MAN1A1: variants seen among roughly 807,000 people sequenced by gnomAD.
The protein encoded by MAN1A1 is mannosyl-oligosaccharide 1,2-alpha-mannosidase IA.
Under a neutral mutation model 70.8 loss-of-function variants are expected in MAN1A1, and 29 were observed. The ratio of observed to expected loss-of-function variants is 0.41; its 90% CI spans 0.31 to 0.56. MAN1A1 has a LOEUF of 0.56. Among genes scored for constraint, MAN1A1 ranks in the 20% least tolerant of loss-of-function variants. MAN1A1 has a pLI of 0.29. For synonymous variants in MAN1A1, 349 were observed against 330.1 expected, an observed-to-expected ratio of 1.06 and a Z score of -0.62; for missense variants, 747 against 841.3, an observed-to-expected ratio of 0.89 and a Z score of 1.39.
chr6:119,259,937 C>T (rs147741255), intron 5 of MAN1A1, among the ~76,000 whole-genome samples: 129 of 152,156 alleles, frequency 8.5e-4, no homozygotes, highest in African/African-American at 3.0e-3. Context: ...ATCTTGTCTA[C>T]CCAGAAATAA....
In MAN1A1 at chr6:119,316,175, G is replaced by GTTTTT. The variant is rs5879501; in HGVS notation, c.604-9188_604-9184dup. On this transcript the variant is annotated intron_variant, in intron 2 of 12. Transcript: ENST00000368468. ...GAGAAAAAGATATTCATTTTTGTGG[G>GTTTTT]TTTTTTTTTTTTTTTTTTTGAGATG... Among the ~76,000 whole-genome samples the GTTTTT allele has an allele frequency of 1.0e-4, 12 of 116,196 alleles. No homozygotes were observed. The East Asian group carries it at 1.7e-3, about 17-fold the overall frequency. 76.2% of individuals were successfully genotyped at this position (116,196 alleles called of 152,430 possible).
intron 2 of MAN1A1, among the ~76,000 whole-genome samples, chr6:119,329,457 C>T (rs195066): frequency 1.0e-5 from 1 of 98,964 alleles, no homozygotes; most frequent in African/African-American, 4.6e-5. Context: ...AATAAATATC[C>T]CCCCCCCACC....
intron 9 of MAN1A1, 23 bp from the exon 10 acceptor site, chr6:119,189,906 A>G: frequency 6.4e-6 from 10 of 1,560,622 alleles, no homozygotes; most frequent in Non-Finnish European, 8.8e-6. Context: ...CTTATTTTTT[A>G]ACATTTTGTA....
chr6:119,321,397 G>A (rs753273812), intron 2 of MAN1A1, among the ~76,000 whole-genome samples: 1 of 152,088 alleles, frequency 6.6e-6, no homozygotes, highest in Non-Finnish European at 1.5e-5. Flanking sequence ...TCTCTAACTT[G>A]ATTTAAAATA....
At chr6:119,327,378 G>GTTGTTTTT (rs1773178711) in intron 2 of MAN1A1, 1 of 123,554 alleles carries the variant, frequency 8.1e-6, no homozygotes, top group African/African-American at 3.1e-5. Flanking sequence ...GAAGCATTCC[G>GTTGTTTTT]TTTTTTTTTT....
At chr6:119,345,201 G>A (rs1019460253) in intron 2 of MAN1A1, among the ~76,000 whole-genome samples, 51 of 39,240 alleles carry the variant, frequency 1.3e-3, no homozygotes, top group African/African-American at 5.7e-3. Context: ...AGGGGGGGGC[G>A]GAGCGGGGGA....
chr6:119,177,986 C>G lies in MAN1A1; in HGVS notation c.*1833G>C, dbSNP rs927207859. The G allele has an allele frequency of 6.6e-6, 1 of 152,050 alleles. No individual in the cohort carries two copies. Among genetic ancestry groups the G allele is most frequent in the Admixed American group, 6.6e-5 (1 of 15,266 alleles). 9.4% of individuals were successfully genotyped at this position (152,050 alleles called of 1,614,324 possible). Reference sequence around the variant, plus strand: ...GCCTTAAAGTCCTGGGAACAAAGGGCTCTTGCTATCCATTCATTTCATTAG... The same window carrying G: ...GCCTTAAAGTCCTGGGAACAAAGGGGTCTTGCTATCCATTCATTTCATTAG... On this transcript the variant is annotated 3_prime_UTR_variant, in exon 13 of 13. Coordinates refer to ENST00000368468, the MANE Select transcript of MAN1A1 (RefSeq NM_005907.4).
intron 5 of MAN1A1, among the ~76,000 whole-genome samples, chr6:119,274,885 A>T (rs1337043442): frequency 6.6e-6 from 1 of 152,214 alleles, no homozygotes; most frequent in Non-Finnish European, 1.5e-5. Flanking sequence ...TGGGAAAGAA[A>T]ATGAGAATTT....
chr6:119,294,979 T>C (rs1772162864), intron 4 of MAN1A1, among the ~76,000 whole-genome samples: 1 of 152,132 alleles, frequency 6.6e-6, no homozygotes, highest in Non-Finnish European at 1.5e-5. Flanking sequence ...TCATTTACTA[T>C]ACATGTATGT....
intron 6 of MAN1A1, among the ~76,000 whole-genome samples, chr6:119,233,036 T>C (rs1774731352): frequency 2.0e-5 from 3 of 152,350 alleles, no homozygotes; most frequent in South Asian, 4.1e-4. Flanking sequence ...TATGAAATTA[T>C]CACTTTCTTG....
rs771366232 is a variant in MAN1A1, at chr6:119,179,956, A to G, written c.1836-11T>C. The stretch of plus-strand genomic sequence containing the variant: ...ATTAGGTACAAATATCTGGTGAGAG[A>G]AACATAAGTATATGAGGCCCAAGAC... On this transcript the variant is annotated splice_polypyrimidine_tract_variant and intron_variant, in intron 12 of 12. Coordinates refer to ENST00000368468, the MANE Select transcript of MAN1A1 (RefSeq NM_005907.4). The G allele has an allele frequency of 6.2e-7, 1 of 1,613,098 alleles. No individual in the cohort carries two copies. The highest frequency in any genetic ancestry group is 8.5e-7 in the Non-Finnish European group (1 of 1,179,306).
intron 2 of MAN1A1, among the ~76,000 whole-genome samples, chr6:119,343,701 C>T (rs6914453): frequency 0.02 from 3,004 of 152,226 alleles, 106 homozygotes; most frequent in African/African-American, 0.069. Flanking sequence ...TTATTATTTT[C>T]GTCTACTTGG....
At chr6:119,281,281 T>C (rs1212255720) in intron 5 of MAN1A1, among the ~76,000 whole-genome samples, 1 of 152,208 alleles carries the variant, frequency 6.6e-6, no homozygotes, top group Non-Finnish European at 1.5e-5. Flanking sequence ...CAAAGTTATC[T>C]TCTCAGTAAT....
chr6:119,227,179 A>G (rs1283332049), intron 6 of MAN1A1, among the ~76,000 whole-genome samples: 2 of 152,218 alleles, frequency 1.3e-5, no homozygotes, highest in Non-Finnish European at 2.9e-5. Context: ...AGCAGAGTAC[A>G]TATTGCACAT....
Position 119,236,814 on chromosome 6 carries a change from T to C in MAN1A1, c.992+11446A>G, listed in dbSNP as rs549325350. ...TAGACAGTGATTCCTCTGATGGATC[T>C]AGGCAAAGCAAATTGAAAGCCTTCT... On this transcript the variant is annotated intron_variant, in intron 6 of 12. Coordinates refer to ENST00000368468, the MANE Select transcript of MAN1A1 (RefSeq NM_005907.4). Among the ~76,000 whole-genome samples the C allele has an allele frequency of 2.0e-5, 3 of 152,238 alleles. No homozygotes were observed. In the East Asian group the frequency reaches 5.8e-4, roughly 29 times the overall value.
At chr6:119,255,747 G>A (rs1011551825) in intron 5 of MAN1A1, among the ~76,000 whole-genome samples, 2 of 152,188 alleles carry the variant, frequency 1.3e-5, no homozygotes, top group Non-Finnish European at 2.9e-5. Context: ...TCTCAGAGAC[G>A]GGTGATCCTT....
At chr6:119,202,851 T>A (rs764575328) in intron 7 of MAN1A1, among the ~76,000 whole-genome samples, 2 of 152,232 alleles carry the variant, frequency 1.3e-5, no homozygotes, top group African/African-American at 4.8e-5. Flanking sequence ...TTGAACTGCA[T>A]ACCCCTAATT....
intron 5 of MAN1A1, among the ~76,000 whole-genome samples, chr6:119,266,410 G>A (rs535334100): frequency 8.5e-5 from 13 of 152,152 alleles, no homozygotes; most frequent in African/African-American, 3.1e-4. Flanking sequence ...ACAGAATAGA[G>A]AGCCTAGAAA....
At chr6:119,192,636 T>C (rs890383899) in intron 9 of MAN1A1, among the ~76,000 whole-genome samples, 1 of 152,170 alleles carries the variant, frequency 6.6e-6, no homozygotes, top group African/African-American at 2.4e-5. Context: ...ATTAACACTT[T>C]ATTAAAAAAT....
Sources: gnomAD v4.1 joint callset for allele counts (sites outside exome capture counted in the v4.1 genomes callset) on GRCh38, gnomAD v4.1.1 for gene constraint, MANE v1.5 for transcripts, NCBI Gene and HGNC (gene_info 2026-07-23, HGNC 2026-07-21) for gene names.